Variants in HSD17B12 observed in about 807,000 individuals in gnomAD.
HSD17B12 encodes the protein hydroxysteroid 17-beta dehydrogenase 12.
In HSD17B12, 32 loss-of-function variants were observed where a neutral mutation model predicts 39.3. The observed-to-expected ratio is 0.81, with a 90% CI of 0.61 to 1.09. HSD17B12 has a LOEUF of 1.09. Ranked by LOEUF, HSD17B12 falls within the 50% of genes least tolerant of loss-of-function variation. The probability of loss-of-function intolerance (pLI) is 0.00; values close to 1 mark genes in which losing one functional copy is unlikely to be tolerated. For synonymous variants in HSD17B12, 150 were observed against 146.7 expected (o/e 1.02, Z -0.16); for missense variants, 342 against 382.9 (o/e 0.89, Z 0.89).
At chr11:43,770,713 T>A (rs967741368) in intron 3 of HSD17B12, among the ~76,000 whole-genome samples, 38 of 152,250 alleles carry the variant, frequency 2.5e-4, no homozygotes, top group African/African-American at 8.9e-4. Context: ...CCAGCCTGGG[T>A]AACAGAGTGA....
intron 3 of HSD17B12, among the ~76,000 whole-genome samples, chr11:43,775,249 C>A (rs77440406): frequency 0.02 from 3,008 of 152,128 alleles, 86 homozygotes; most frequent in African/African-American, 0.054. Context: ...CCATGAACAG[C>A]GGAGTCAATT....
chr11:43,794,031 G>A (rs1043172242), intron 3 of HSD17B12, among the ~76,000 whole-genome samples: 1 of 152,174 alleles, frequency 6.6e-6, no homozygotes, highest in Non-Finnish European at 1.5e-5. Flanking sequence ...TTAGTTGACT[G>A]CCTCGAGCAG....
At chr11:43,721,836 A>T (rs1363706750) in intron 1 of HSD17B12, among the ~76,000 whole-genome samples, 2 of 152,194 alleles carry the variant, frequency 1.3e-5, no homozygotes, top group African/African-American at 4.8e-5. Flanking sequence ...AAGGAATTGA[A>T]CAGGGCTAAG....
intron 1 of HSD17B12, among the ~76,000 whole-genome samples, chr11:43,689,832 A>G (rs1949836037): frequency 6.6e-6 from 1 of 152,108 alleles, no homozygotes; most frequent in Non-Finnish European, 1.5e-5. Flanking sequence ...TACAGGTGTG[A>G]GCCACCGCAC....
chr11:43,645,283 A>G, the HSD17B12 span: 3 of 152,232 alleles, frequency 2.0e-5, no homozygotes, highest in Non-Finnish European at 1.5e-5. Flanking sequence ...TGTTTCTGCC[A>G]CAATGTACTG....
chr11:43,783,827 T>TA (rs993935498), intron 3 of HSD17B12, among the ~76,000 whole-genome samples: 5 of 152,104 alleles, frequency 3.3e-5, no homozygotes, highest in African/African-American at 1.2e-4. Context: ...CTGAGAAACT[T>TA]AAAAAATAAT....
chr11:43,654,013 A>C, the HSD17B12 span, among the ~76,000 whole-genome samples: 3 of 145,042 alleles, frequency 2.1e-5, no homozygotes, highest in Admixed American at 2.0e-4. Context: ...TCCCACCAAC[A>C]GTGTAAAAGT....
At chr11:43,699,987 T>G (rs1156316927) in intron 1 of HSD17B12, among the ~76,000 whole-genome samples, 1 of 152,158 alleles carries the variant, frequency 6.6e-6, no homozygotes, top group Non-Finnish European at 1.5e-5. Context: ...CACTGGAGCT[T>G]TAGCCCACAC....
chr11:43,743,946 A>T (rs1322924703), intron 1 of HSD17B12, among the ~76,000 whole-genome samples: 1 of 152,246 alleles, frequency 6.6e-6, no homozygotes, highest in East Asian at 1.9e-4. Flanking sequence ...ATCTATAATA[A>T]GAACAAGATG....
intron 6 of HSD17B12, among the ~76,000 whole-genome samples, chr11:43,819,643 C>T (rs1951162421): frequency 6.6e-6 from 1 of 152,162 alleles, no homozygotes; most frequent in East Asian, 1.9e-4. Context: ...CTTCTTCATT[C>T]TTCATTGACA....
At chr11:43,750,033 C>T (rs1950450383) in intron 1 of HSD17B12, among the ~76,000 whole-genome samples, 1 of 152,092 alleles carries the variant, frequency 6.6e-6, no homozygotes, top group Admixed American at 6.5e-5. Flanking sequence ...AATATGGTTT[C>T]TCATAGAATA....
chr11:43,673,305 T>C, the HSD17B12 span: 1 of 152,160 alleles, frequency 6.6e-6, no homozygotes, highest in Non-Finnish European at 1.5e-5. Flanking sequence ...TATACTAATA[T>C]GATACAATAT....
intron 1 of HSD17B12, among the ~76,000 whole-genome samples, chr11:43,709,954 C>A (rs1384310343): frequency 6.6e-6 from 1 of 152,078 alleles, no homozygotes; most frequent in Non-Finnish European, 1.5e-5. Context: ...CAACTCTGGG[C>A]TGGGGAATGG....
At position 43,680,997 on chromosome 11, in the gene HSD17B12, A is replaced by T. The variant is rs200691746; in HGVS notation, c.160+10A>T. On this transcript the variant is annotated intron_variant, in intron 1 of 10. Transcript: ENST00000278353. ...CTCGGAGAATGGGCAGGTGAGTCGG[A>T]TGCAGCGCCGCGTCCTCGCTCCCGC... 6.3e-7 allele frequency: 1 copy of T among 1,579,960 alleles called. No individual in the cohort carries two copies. Among genetic ancestry groups the T allele is most frequent in the South Asian group, 1.1e-5 (1 of 88,290 alleles).
the HSD17B12 span, among the ~76,000 whole-genome samples, chr11:43,616,873 G>C: frequency 6.7e-6 from 1 of 149,478 alleles, no homozygotes; most frequent in Non-Finnish European, 1.5e-5. Context: ...TCGAGAGGCT[G>C]AGGCAGGAGA....
chr11:43,696,418 C>T (rs555280706), intron 1 of HSD17B12, among the ~76,000 whole-genome samples: 13 of 152,300 alleles, frequency 8.5e-5, no homozygotes, highest in South Asian at 4.1e-4. Context: ...ATGAAAAAAG[C>T]GCAACATCAC....
chr11:43,672,616 T>G, the HSD17B12 span, among the ~76,000 whole-genome samples: 1 of 152,048 alleles, frequency 6.6e-6, no homozygotes, highest in African/African-American at 2.4e-5. Flanking sequence ...GGTGCGATCT[T>G]GGCTCACTGC....
At chr11:43,848,793 C>G (rs563690392) in intron 9 of HSD17B12, among the ~76,000 whole-genome samples, 6 of 152,066 alleles carry the variant, frequency 3.9e-5, no homozygotes, top group African/African-American at 1.4e-4. Flanking sequence ...ACCCTACCAC[C>G]TCTATTTTCA....
At chr11:43,579,233 G>C in the HSD17B12 span, 1 of 152,238 alleles carries the variant, frequency 6.6e-6, no homozygotes, top group Non-Finnish European at 1.5e-5. Context: ...GGCGCTCGCA[G>C]TGGCGCGCCT....
Sources: allele counts gnomAD v4.1 joint callset (sites outside exome capture counted in the v4.1 genomes callset), GRCh38; gene constraint gnomAD v4.1.1; transcripts MANE v1.5; gene names NCBI Gene and HGNC (gene_info 2026-07-23, HGNC 2026-07-21).